The following RAB15 variants were observed in gnomAD, a reference collection of about 807,000 sequenced individuals.
RAB15 encodes the protein ras-related protein Rab-15.
RAB15 carries 13 observed loss-of-function variants against 31.8 expected under a neutral mutation model. The ratio of observed to expected loss-of-function variants is 0.41; its 90% CI spans 0.27 to 0.65. RAB15 has a LOEUF of 0.65. Ranked by LOEUF, RAB15 falls within the 30% of genes least tolerant of loss-of-function variation. The pLI is 0.32. For missense variants in RAB15, 220 were observed against 277.3 expected (o/e 0.79, Z 1.47); for synonymous variants, 100 against 105.6 (o/e 0.95, Z 0.33).
In RAB15 at chr14:64,972,202, C is replaced by A; in HGVS notation, c.-126G>T. The A allele has an allele frequency of 1.5e-6, 1 of 680,514 alleles. No homozygotes were observed. 42.2% of individuals were successfully genotyped at this position (680,514 alleles called of 1,614,324 possible). A position where few individuals can be genotyped will look rare whatever the true frequency, so the allele number is the denominator to read the frequency against. On this transcript the variant is annotated 5_prime_UTR_variant, in exon 1 of 7. Transcript: ENST00000533601. The surrounding 1 kb of genome is among the most constrained non-coding windows in gnomAD (Gnocchi z 6.3). ...GGCGAGGAGGACGCCGGGCCCGGCC[C>A]CCGCGGCTGCCTCGCCCGCCCGCCT...
Position 64,948,600 on chromosome 14 carries a change from T to C in RAB15, c.480+68A>G, listed in dbSNP as rs1298690434. ...GGCCTGAGGGATAAGGTCCATCTTA[T>C]GGCTCCTCCTCCCACCTCTGCTGGA... On this transcript the variant is annotated intron_variant, in intron 6 of 6. Transcript: ENST00000533601. The surrounding 1 kb of genome is among the most constrained non-coding windows in gnomAD (Gnocchi z 7.0). 1.2e-6 allele frequency: 2 copies of C among 1,610,274 alleles called. No homozygotes were observed. The highest frequency in any genetic ancestry group is 4.5e-5 in the East Asian group (2 of 44,846).
chr14:64,959,698 T>C (rs561049026), intron 1 of RAB15, among the ~76,000 whole-genome samples: 31 of 151,560 alleles, frequency 2.0e-4, no homozygotes, highest in African/African-American at 7.3e-4. Context: ...ACCCCATCTC[T>C]AGAAAACAAA....
rs1887353469 is a variant in RAB15, at chr14:64,970,295, G to C, written c.124+1658C>G. ...CACAACCTGTCCTCATACACCATCT[G>C]GTTCCTCTGCCACTTCCTCCATCAC... On this transcript the variant is annotated intron_variant, in intron 1 of 6. Coordinates refer to ENST00000533601, the MANE Select transcript of RAB15 (RefSeq NM_001308154.2). This position sits in a 1 kb window ranked among gnomAD's most constrained non-coding sequence, Gnocchi z 4.1. Among the ~76,000 whole-genome samples the C allele has an allele frequency of 1.3e-5, 2 of 152,192 alleles. No individual in the cohort carries two copies. Among genetic ancestry groups the C allele is most frequent in the African/African-American group, 2.4e-5 (1 of 41,440 alleles).
chr14:64,957,103 ATT>A (rs113823879), intron 1 of RAB15, among the ~76,000 whole-genome samples: 13 of 144,876 alleles, frequency 9.0e-5, no homozygotes, highest in African/African-American at 7.6e-5. Context: ...TGCCCAGCTA[ATT>A]TTTTTTTTTT....
In RAB15 at chr14:64,970,858, C is replaced by T. The variant is rs542116600; in HGVS notation, c.124+1095G>A. 6.6e-6 allele frequency among the ~76,000 whole-genome samples: 1 copy of T among 152,306 alleles called. No homozygotes were observed. Among genetic ancestry groups the T allele is most frequent in the African/African-American group, 2.4e-5 (1 of 41,570 alleles). On this transcript the variant is annotated intron_variant, in intron 1 of 6. Transcript: ENST00000533601. This position sits in a 1 kb window ranked among gnomAD's most constrained non-coding sequence, Gnocchi z 4.1. ...TGTTCCTCCTGGCTGTATCTATCTGCTCCTACTTCTCTCTCAGCAAGGAAT... is the reference window on the plus strand; with the variant it reads ...TGTTCCTCCTGGCTGTATCTATCTGTTCCTACTTCTCTCTCAGCAAGGAAT...
rs1229661081 is a variant in RAB15, at chr14:64,954,495, A to G, written c.125-1924T>C. ...CCTGGCCAAGGACAGTGCCTTGTGC[A>G]AAGCCATCACAAGGGGGACAGGAAG... On this transcript the variant is annotated intron_variant, in intron 1 of 6. Transcript: ENST00000533601. This position sits in a 1 kb window ranked among gnomAD's most constrained non-coding sequence, Gnocchi z 4.3. 4.1e-6 allele frequency: 4 copies of G among 985,354 alleles called. No homozygotes were observed. Among genetic ancestry groups the G allele is most frequent in the Middle Eastern group, 5.2e-4 (1 of 1,936 alleles). 61.0% of individuals were successfully genotyped at this position (985,354 alleles called of 1,614,324 possible).
intron 1 of RAB15, among the ~76,000 whole-genome samples, chr14:64,965,232 T>G (rs571542515): frequency 6.6e-6 from 1 of 151,820 alleles, no homozygotes; most frequent in Non-Finnish European, 1.5e-5. Flanking sequence ...CCGAGGTGGG[T>G]GGATCAGCTG....
At position 64,948,472 on chromosome 14, in the gene RAB15, C is replaced by T. The variant is rs1417216378; in HGVS notation, c.521G>A (p.Arg174Lys). 1 of 1,613,020 alleles carries T rather than the reference C, an allele frequency of 6.2e-7. No individual in the cohort carries two copies. Among genetic ancestry groups the T allele is most frequent in the South Asian group, 1.1e-5 (1 of 90,888 alleles). Reference sequence around the variant, plus strand: ...CATCCGGAGGCCTTCCAGCTCCTTCCTATGGGCCTGCAGCACCAGCTCTGT... The same window carrying T: ...CATCCGGAGGCCTTCCAGCTCCTTCTTATGGGCCTGCAGCACCAGCTCTGT... The part of the protein sequence containing the change: ...RLTELVLQAH[R>K]KELEGLRMRA... The change falls in exon 7 of 7, where the codon AGG becomes AAG. Residue 174 changes from arginine to lysine, a missense_variant. Physicochemically the swap from Arg to Lys is conservative, Grantham distance 26. Coordinates refer to ENST00000533601, the MANE Select transcript of RAB15 (RefSeq NM_001308154.2). This position sits in a 1 kb window ranked among gnomAD's most constrained non-coding sequence, Gnocchi z 7.0.
At position 64,948,522 on chromosome 14, in the gene RAB15, A is replaced by G. The variant is rs776578914; in HGVS notation, c.481-10T>C. ...TCAGACGCGTGAATGACTGGAAACC[A>G]AAGGGCACAGGTTAGTCCAGTGTCT... On this transcript the variant is annotated splice_polypyrimidine_tract_variant and intron_variant, in intron 6 of 6. Transcript: ENST00000533601. This position sits in a 1 kb window ranked among gnomAD's most constrained non-coding sequence, Gnocchi z 7.0. 5.0e-6 allele frequency: 8 copies of G among 1,604,176 alleles called. No homozygotes were observed. In the African/African-American group the frequency reaches 1.1e-4, roughly 21 times the overall value.
At position 64,951,520 on chromosome 14, in the gene RAB15, C is replaced by A; in HGVS notation, c.246+83G>T. The stretch of plus-strand genomic sequence containing the variant: ...GCAGGCGAACTGTATTTAGGGGATC[C>A]GTGGCACAGACATCTCAAATACCCA... On this transcript the variant is annotated intron_variant, in intron 3 of 6. Transcript: ENST00000533601. The surrounding 1 kb of genome is among the most constrained non-coding windows in gnomAD (Gnocchi z 7.2). 1 of 1,249,866 alleles carries A rather than the reference C, an allele frequency of 8.0e-7. No homozygotes were observed. Among genetic ancestry groups the A allele is most frequent in the South Asian group, 1.2e-5 (1 of 83,964 alleles). The allele number at this position is 1,249,866 out of a possible 1,614,324, so 77.4% of individuals were successfully genotyped here. A position where few individuals can be genotyped will look rare whatever the true frequency, so the allele number is the denominator to read the frequency against.
chr14:64,948,774 A>C lies in RAB15; in HGVS notation c.415-41T>G. On this transcript the variant is annotated intron_variant, in intron 5 of 6. Coordinates refer to ENST00000533601, the MANE Select transcript of RAB15 (RefSeq NM_001308154.2). This position sits in a 1 kb window ranked among gnomAD's most constrained non-coding sequence, Gnocchi z 7.0. ...ATTTCTGAAAGAGAGTCAGTAAGGC[A>C]GGGGAGGGGCCCATACAACCAGGCA... 1 of 1,583,524 alleles carries C rather than the reference A, an allele frequency of 6.3e-7. No individual in the cohort carries two copies. Among genetic ancestry groups the C allele is most frequent in the Non-Finnish European group, 8.7e-7 (1 of 1,153,466 alleles).
chr14:64,950,549 T>G lies in RAB15; in HGVS notation c.325-135A>C, dbSNP rs1035690224. ...ACAGGGTGGGCCGACTGGATGCAGG[T>G]GCCAGGCTCCCCCAAGTGCCATGGC... On this transcript the variant is annotated intron_variant, in intron 4 of 6. Transcript: ENST00000533601. This position sits in a 1 kb window ranked among gnomAD's most constrained non-coding sequence, Gnocchi z 5.6. 1 of 770,306 alleles carries G rather than the reference T, an allele frequency of 1.3e-6. No homozygotes were observed. The highest frequency in any genetic ancestry group is 2.5e-5 in the East Asian group (1 of 40,722). The allele number at this position is 770,306 out of a possible 1,614,324, so 47.7% of individuals were successfully genotyped here.
chr14:64,955,115 C>T lies in RAB15; in HGVS notation c.125-2544G>A, dbSNP rs1179971925. ...TCACACACACCCCACCATCTTGCAA[C>T]CTAGGTCTCACTGGCCACCTGGGAA... On this transcript the variant is annotated intron_variant, in intron 1 of 6. Coordinates refer to ENST00000533601, the MANE Select transcript of RAB15 (RefSeq NM_001308154.2). The surrounding 1 kb of genome is among the most constrained non-coding windows in gnomAD (Gnocchi z 4.4). 6.6e-6 allele frequency among the ~76,000 whole-genome samples: 1 copy of T among 152,150 alleles called. No homozygotes were observed. Among genetic ancestry groups the T allele is most frequent in the African/African-American group, 2.4e-5 (1 of 41,436 alleles).
At position 64,958,883 on chromosome 14, in the gene RAB15, G is replaced by A. The variant is rs61987378; in HGVS notation, c.125-6312C>T. On this transcript the variant is annotated intron_variant, in intron 1 of 6. Coordinates refer to ENST00000533601, the MANE Select transcript of RAB15 (RefSeq NM_001308154.2). The surrounding 1 kb of genome is among the most constrained non-coding windows in gnomAD (Gnocchi z 4.4). ...CATCATGGTGCCTGCCACACCCTGTGTCCCTTTCTGGCTAGAACAGCTCAG... is the reference window on the plus strand; with the variant it reads ...CATCATGGTGCCTGCCACACCCTGTATCCCTTTCTGGCTAGAACAGCTCAG... Among the ~76,000 whole-genome samples the A allele has an allele frequency of 6.6e-6, 1 of 152,180 alleles. No individual in the cohort carries two copies. Among genetic ancestry groups the A allele is most frequent in the African/African-American group, 2.4e-5 (1 of 41,442 alleles).
In RAB15 at chr14:64,968,936, C is replaced by T. The variant is rs1222079713; in HGVS notation, c.124+3017G>A. 1.3e-5 allele frequency among the ~76,000 whole-genome samples: 2 copies of T among 152,222 alleles called. No homozygotes were observed. Among genetic ancestry groups the T allele is most frequent in the Admixed American group, 1.3e-4 (2 of 15,286 alleles). On this transcript the variant is annotated intron_variant, in intron 1 of 6. Transcript: ENST00000533601. This position sits in a 1 kb window ranked among gnomAD's most constrained non-coding sequence, Gnocchi z 4.9. ...GTCTCAGTCTACCAGGGAGGCCTCT[C>T]ACTGCTCCCTGGCGGGTTCTTCTCT...
chr14:64,963,259 A>T (rs555626666), intron 1 of RAB15, among the ~76,000 whole-genome samples: 3 of 152,002 alleles, frequency 2.0e-5, no homozygotes, highest in African/African-American at 7.2e-5. Flanking sequence ...AGCTGGGACT[A>T]CAGGCGTGCT....
Position 64,952,628 on chromosome 14 carries a change from G to A in RAB15, c.125-57C>T. 1 of 1,285,876 alleles carries A rather than the reference G, an allele frequency of 7.8e-7. No homozygotes were observed. Among genetic ancestry groups the A allele is most frequent in the Non-Finnish European group, 1.1e-6 (1 of 892,956 alleles). The allele number at this position is 1,285,876 out of a possible 1,614,324, so 79.7% of individuals were successfully genotyped here. A position where few individuals can be genotyped will look rare whatever the true frequency, so the allele number is the denominator to read the frequency against. On this transcript the variant is annotated intron_variant, in intron 1 of 6. Coordinates refer to ENST00000533601, the MANE Select transcript of RAB15 (RefSeq NM_001308154.2). This position sits in a 1 kb window ranked among gnomAD's most constrained non-coding sequence, Gnocchi z 4.2. ...AAGCGTACCCACGAGAAATGAACAG[G>A]AAAGGGCCAGGCAATCACACTTGAA...
Position 64,953,011 on chromosome 14 carries a change from C to G in RAB15, c.125-440G>C, listed in dbSNP as rs891771334. Among the ~76,000 whole-genome samples, 6 of 152,164 alleles carry G rather than the reference C, an allele frequency of 3.9e-5. No individual in the cohort carries two copies. The highest frequency in any genetic ancestry group is 5.9e-5 in the Non-Finnish European group (4 of 68,030). ...TGCTTTCTTCCCTCTCTCTCTTTGC[C>G]TTGTTAATAACCAGAAGGGGTCATA... On this transcript the variant is annotated intron_variant, in intron 1 of 6. Transcript: ENST00000533601. The surrounding 1 kb of genome is among the most constrained non-coding windows in gnomAD (Gnocchi z 4.6).
chr14:64,962,266 G>T lies in RAB15; in HGVS notation c.124+9687C>A, dbSNP rs567823415. On this transcript the variant is annotated intron_variant, in intron 1 of 6. Coordinates refer to ENST00000533601, the MANE Select transcript of RAB15 (RefSeq NM_001308154.2). The surrounding 1 kb of genome is among the most constrained non-coding windows in gnomAD (Gnocchi z 4.2). ...AAAAACAGTCCCAAGAAACCAATAC[G>T]ACCTATAACTTCCCTCAGGGAAGAA... Among the ~76,000 whole-genome samples the T allele has an allele frequency of 6.6e-6, 1 of 152,060 alleles. No homozygotes were observed. Among genetic ancestry groups the T allele is most frequent in the African/African-American group, 2.4e-5 (1 of 41,408 alleles).
Sources: allele counts gnomAD v4.1 joint callset (sites outside exome capture counted in the v4.1 genomes callset), GRCh38; gene constraint gnomAD v4.1.1; non-coding constraint Gnocchi (gnomAD v3.1); transcripts MANE v1.5; gene names NCBI Gene and HGNC (gene_info 2026-07-23, HGNC 2026-07-21).